ERICH6B: variants seen among roughly 807,000 people sequenced by gnomAD.
ERICH6B encodes the protein glutamate-rich protein 6B.
A neutral mutation model predicts 80.0 loss-of-function variants in ERICH6B; 69 were observed. That is an observed-to-expected ratio of 0.86 (90% CI 0.71 to 1.05). The LOEUF is 1.05. ERICH6B is among the 50% of genes least tolerant of loss of function. The probability of loss-of-function intolerance (pLI) is 0.00; values close to 1 mark genes in which losing one functional copy is unlikely to be tolerated. For missense variants in ERICH6B, 754 were observed against 796.1 expected (o/e 0.95, Z 0.64); for synonymous variants, 283 against 291.9 (o/e 0.97, Z 0.31).
At chr13:45,601,286 C>T (rs1030227550) in intron 2 of ERICH6B, among the ~76,000 whole-genome samples, 2 of 152,086 alleles carry the variant, frequency 1.3e-5, no homozygotes, top group East Asian at 1.9e-4. Context: ...CATGGTGGTG[C>T]GCACTGATAG....
chr13:45,606,546 TA>T (rs1480457818), intron 2 of ERICH6B, among the ~76,000 whole-genome samples: 28 of 16,166 alleles, frequency 1.7e-3, no homozygotes, highest in East Asian at 5.0e-3. Flanking sequence ...TATATATATA[TA>T]TTTTTTTTTT....
At chr13:45,549,653 T>A (rs1378037979) in intron 13 of ERICH6B, among the ~76,000 whole-genome samples, 1 of 152,156 alleles carries the variant, frequency 6.6e-6, no homozygotes, top group Non-Finnish European at 1.5e-5. Flanking sequence ...ACCAATAGAA[T>A]GTGGTGGTTG....
intron 2 of ERICH6B, among the ~76,000 whole-genome samples, chr13:45,599,531 C>CA (rs1181695216): frequency 6.6e-6 from 1 of 151,368 alleles, no homozygotes; most frequent in Non-Finnish European, 1.5e-5. Flanking sequence ...ACAGAGCAAA[C>CA]AAAAAAAAGT....
Position 45,541,467 on chromosome 13 carries a change from A to G in ERICH6B, c.2086T>C (p.Phe696Leu). ...GATGCCAGATAAGCCCCGCCTTAAAACCAGAGTTTAGAGAGCATCTTCTTC... is the reference window on the plus strand; with the variant it reads ...GATGCCAGATAAGCCCCGCCTTAAAGCCAGAGTTTAGAGAGCATCTTCTTC... Reference protein sequence around the residue: ...YLKKMLSKLWF With the variant: ...YLKKMLSKLWL The change falls in exon 15 of 15, where the codon TTT becomes CTT. Residue 696 changes from phenylalanine (F) to leucine (L), a missense_variant. Physicochemically the swap from Phe to Leu is conservative, Grantham distance 22. Transcript: ENST00000298738. 1 of 1,551,776 alleles carries G rather than the reference A, an allele frequency of 6.4e-7. No homozygotes were observed. The highest frequency in any genetic ancestry group is 8.7e-7 in the Non-Finnish European group (1 of 1,146,852).
At chr13:45,580,283 T>C (rs534390154) in intron 6 of ERICH6B, among the ~76,000 whole-genome samples, 20 of 152,242 alleles carry the variant, frequency 1.3e-4, no homozygotes, top group Admixed American at 6.5e-5. Flanking sequence ...AGTAGGGATG[T>C]AGTAAATGTC....
chr13:45,544,592 T>C (rs996385777), intron 14 of ERICH6B, among the ~76,000 whole-genome samples, 168 bp downstream of exon 14: 5 of 152,164 alleles, frequency 3.3e-5, no homozygotes, highest in Non-Finnish European at 7.3e-5. Flanking sequence ...ATGAATGTAT[T>C]TGTGTGTACT....
chr13:45,587,807 T>C (rs1181756510), intron 4 of ERICH6B, among the ~76,000 whole-genome samples: 2 of 152,154 alleles, frequency 1.3e-5, no homozygotes, highest in African/African-American at 2.4e-5. Context: ...CTATGTTCTT[T>C]CTCAGGAGTC....
Position 45,559,033 on chromosome 13 carries a change from A to G in ERICH6B, c.1407+2336T>C, listed in dbSNP as rs570375679. Among the ~76,000 whole-genome samples the G allele has an allele frequency of 3.3e-5, 5 of 152,062 alleles. No homozygotes were observed. In the South Asian group the frequency reaches 1.0e-3, roughly 32 times the overall value. On this transcript the variant is annotated intron_variant, in intron 11 of 14. Coordinates refer to ENST00000298738, the MANE Select transcript of ERICH6B (RefSeq NM_182542.3). ...ACCAATTCTTCTTTGAATGTCTGGTAGAATTTTTTTTGTTAGTAATTTTTA... is the reference window on the plus strand; with the variant it reads ...ACCAATTCTTCTTTGAATGTCTGGTGGAATTTTTTTTGTTAGTAATTTTTA...
At chr13:45,575,922 A>G (rs1022532490) in intron 7 of ERICH6B, among the ~76,000 whole-genome samples, 8 of 152,200 alleles carry the variant, frequency 5.3e-5, no homozygotes, top group African/African-American at 1.9e-4. Context: ...GGCCCCCAGG[A>G]AAATGATGGT....
intron 11 of ERICH6B, among the ~76,000 whole-genome samples, chr13:45,560,470 C>T (rs1358974782): frequency 6.6e-6 from 1 of 152,216 alleles, no homozygotes. Context: ...AAACCATTAT[C>T]ACCCACAGCC....
chr13:45,599,304 G>A (rs1017533845), intron 2 of ERICH6B, among the ~76,000 whole-genome samples: 2 of 152,212 alleles, frequency 1.3e-5, no homozygotes, highest in Non-Finnish European at 2.9e-5. Flanking sequence ...GACAAAGATG[G>A]TAGCAGTAAA....
intron 1 of ERICH6B, among the ~76,000 whole-genome samples, chr13:45,612,182 T>G (rs577155980): frequency 1.3e-5 from 2 of 152,300 alleles, no homozygotes; most frequent in African/African-American, 4.8e-5. Context: ...TCCAATGTGC[T>G]TCTGAAAATG....
chr13:45,601,889 T>C (rs146753619), intron 2 of ERICH6B, among the ~76,000 whole-genome samples: 1 of 152,316 alleles, frequency 6.6e-6, no homozygotes, highest in African/African-American at 2.4e-5. Flanking sequence ...ACAGGACCTA[T>C]CTCCTGGAAG....
intron 2 of ERICH6B, among the ~76,000 whole-genome samples, chr13:45,598,609 G>T (rs552383969): frequency 6.6e-6 from 1 of 152,248 alleles, no homozygotes; most frequent in South Asian, 2.1e-4. Flanking sequence ...GATGGACAAG[G>T]CCATTCATCA....
intron 11 of ERICH6B, among the ~76,000 whole-genome samples, chr13:45,553,585 C>T (rs1874312802): frequency 6.6e-6 from 1 of 152,154 alleles, no homozygotes; most frequent in Non-Finnish European, 1.5e-5. Flanking sequence ...GCACTAAATA[C>T]TTTAATTCCA....
chr13:45,543,646 C>T (rs1873874581), intron 14 of ERICH6B, among the ~76,000 whole-genome samples: 1 of 152,162 alleles, frequency 6.6e-6, no homozygotes, highest in African/African-American at 2.4e-5. Flanking sequence ...GATGGTGGCC[C>T]CATGGACACC....
chr13:45,545,148 C>T (rs574283503), intron 13 of ERICH6B, among the ~76,000 whole-genome samples, 163 bp from the exon 14 acceptor site: 1 of 152,330 alleles, frequency 6.6e-6, no homozygotes, highest in East Asian at 1.9e-4. Flanking sequence ...CAACACCAGG[C>T]ACTGTCCCCT....
intron 1 of ERICH6B, among the ~76,000 whole-genome samples, chr13:45,609,880 G>A (rs1442726093): frequency 1.3e-5 from 2 of 152,242 alleles, no homozygotes; most frequent in Non-Finnish European, 2.9e-5. Flanking sequence ...AAAATCATGG[G>A]AGTGAAGGAG....
At chr13:45,609,875 C>A (rs531776953) in intron 1 of ERICH6B, among the ~76,000 whole-genome samples, 2 of 152,348 alleles carry the variant, frequency 1.3e-5, no homozygotes, top group East Asian at 3.9e-4. Flanking sequence ...GTGAGAAAAT[C>A]ATGGGAGTGA....
Sources: allele counts gnomAD v4.1 joint callset (sites outside exome capture counted in the v4.1 genomes callset), GRCh38; gene constraint gnomAD v4.1.1; transcripts MANE v1.5; gene names NCBI Gene and HGNC (gene_info 2026-07-23, HGNC 2026-07-21).